Variants in LRRN2 observed in about 807,000 individuals in gnomAD.
LRRN2 encodes leucine-rich repeat neuronal protein 2.
A neutral mutation model predicts 35.7 loss-of-function variants in LRRN2; 10 were observed. That is an observed-to-expected ratio of 0.28 (90% CI 0.17 to 0.47). LRRN2 has a LOEUF of 0.47. LRRN2 is among the 20% of genes least tolerant of loss of function. LRRN2 has a pLI of 0.99. For synonymous variants in LRRN2, 391 were observed against 409.6 expected, an observed-to-expected ratio of 0.95 and a Z score of 0.55; for missense variants, 731 against 940.3, an observed-to-expected ratio of 0.78 and a Z score of 2.91.
At chr1:204,621,097 G>A in intron 1 of LRRN2, 1 of 167,214 alleles carries the variant, frequency 6.0e-6, no homozygotes. Context: ...TTTGGTGTTT[G>A]CCAACTTCCC....
intron 1 of LRRN2, among the ~76,000 whole-genome samples, chr1:204,656,973 T>A (rs1404880740): frequency 1.3e-5 from 2 of 152,058 alleles, no homozygotes; most frequent in Non-Finnish European, 2.9e-5. Flanking sequence ...AAAATAAAAA[T>A]CACCCAAATG....
Position 204,617,814 on chromosome 1 carries a change from C to A in LRRN2, c.*37G>T. ...TGCTTCTCTTTTGGTAAAAAGTAGT[C>A]CTAGTGATTTCTCTACTGCTGAGAA... On this transcript the variant is annotated 3_prime_UTR_variant, in exon 2 of 2. Transcript: ENST00000367177. The A allele has an allele frequency of 3.1e-6, 5 of 1,608,386 alleles. No homozygotes were observed. The highest frequency in any genetic ancestry group is 4.3e-6 in the Non-Finnish European group (5 of 1,175,246).
chr1:204,629,622 G>T, intron 1 of LRRN2: 1 of 176,088 alleles, frequency 5.7e-6, no homozygotes, highest in Admixed American at 6.2e-5. Flanking sequence ...CCGCCACCAT[G>T]TAAGAAGTGC....
chr1:204,622,355 G>A (rs1228093633), intron 1 of LRRN2: 4 of 152,694 alleles, frequency 2.6e-5, no homozygotes, highest in African/African-American at 9.6e-5. Flanking sequence ...GCTTGGGAGG[G>A]GAGCAGCTGG....
rs576191531 is a variant in LRRN2 at position 204,620,045 on chromosome 1, C to T, written c.-53G>A. Reference sequence around the variant, plus strand: ...CACAAGAAGAGTCTGGAGTCCTGCTCTTTGTGTTTTGCAGGGTAAGGGTCA... The same window carrying T: ...CACAAGAAGAGTCTGGAGTCCTGCTTTTTGTGTTTTGCAGGGTAAGGGTCA... On this transcript the variant is annotated 5_prime_UTR_variant, in exon 2 of 2. Coordinates refer to ENST00000367177, the MANE Select transcript of LRRN2 (RefSeq NM_201630.2). 1 of 1,553,848 alleles carries T rather than the reference C, an allele frequency of 6.4e-7. No homozygotes were observed. Among genetic ancestry groups the T allele is most frequent in the Non-Finnish European group, 8.7e-7 (1 of 1,149,428 alleles).
chr1:204,655,469 T>C (rs1668327826), intron 1 of LRRN2, among the ~76,000 whole-genome samples: 1 of 152,134 alleles, frequency 6.6e-6, no homozygotes, highest in Admixed American at 6.5e-5. Context: ...TTAAAAATGT[T>C]TTTGTTTCTT....
chr1:204,658,401 A>G (rs567481970), intron 1 of LRRN2, among the ~76,000 whole-genome samples: 1 of 152,206 alleles, frequency 6.6e-6, no homozygotes, highest in Non-Finnish European at 1.5e-5. Context: ...AATGACCAAA[A>G]GGCTTCCCCA....
At chr1:204,665,345 CCCAGGCTGGT>C (rs1668555748) in intron 1 of LRRN2, among the ~76,000 whole-genome samples, 1 of 152,030 alleles carries the variant, frequency 6.6e-6, no homozygotes, top group Non-Finnish European at 1.5e-5. Context: ...CCTCCTGTCA[CCCAGGCTGGT>C]CTTGAACTCC....
At chr1:204,642,627 C>T (rs1668008100) in intron 1 of LRRN2, among the ~76,000 whole-genome samples, 1 of 152,190 alleles carries the variant, frequency 6.6e-6, no homozygotes, top group East Asian at 1.9e-4. Flanking sequence ...GAAGAACTGC[C>T]CCGGCCTCTG....
At chr1:204,633,160 A>C (rs1667752702) in intron 1 of LRRN2, 1 of 151,978 alleles carries the variant, frequency 6.6e-6, no homozygotes, top group South Asian at 2.1e-4. Context: ...CCATGTGAGG[A>C]AACAGCATTC....
At chr1:204,678,498 G>A (rs145153008) in intron 1 of LRRN2, among the ~76,000 whole-genome samples, 10 of 152,246 alleles carry the variant, frequency 6.6e-5, no homozygotes, top group Non-Finnish European at 1.0e-4. Flanking sequence ...CCCTGCAAGA[G>A]CCCATCTTAC....
At chr1:204,651,263 A>G (rs1481896526) in intron 1 of LRRN2, among the ~76,000 whole-genome samples, 1 of 152,176 alleles carries the variant, frequency 6.6e-6, no homozygotes, top group Non-Finnish European at 1.5e-5. Context: ...GATCTCCTAG[A>G]GTCTTCAGAT....
chr1:204,667,496 A>G lies in LRRN2; in HGVS notation c.-227+17824T>C, dbSNP rs1333296401. On this transcript the variant is annotated intron_variant, in intron 1 of 1. Transcript: ENST00000367177. ...AGCATCTAGTACATAGTAAACCTTC[A>G]ATATATGTTGTGATTTTATTACTAC... is the stretch of plus-strand genomic sequence containing the variant. 3.9e-5 allele frequency among the ~76,000 whole-genome samples: 6 copies of G among 152,230 alleles called. No individual in the cohort carries two copies. In the East Asian group the frequency reaches 1.2e-3, roughly 29 times the overall value.
At chr1:204,654,463 A>G (rs1668302114) in intron 1 of LRRN2, among the ~76,000 whole-genome samples, 1 of 152,218 alleles carries the variant, frequency 6.6e-6, no homozygotes, top group Non-Finnish European at 1.5e-5. Flanking sequence ...AATCAGAACA[A>G]TTAGAATGAA....
At chr1:204,628,841 C>T (rs1053111025) in intron 1 of LRRN2, 1 of 152,412 alleles carries the variant, frequency 6.6e-6, no homozygotes, top group African/African-American at 2.4e-5. Context: ...CCAGCTCCTC[C>T]TGGCTTAGGG....
chr1:204,640,683 G>GT (rs1667957454), intron 1 of LRRN2, among the ~76,000 whole-genome samples: 1 of 152,040 alleles, frequency 6.6e-6, no homozygotes, highest in South Asian at 2.1e-4. Flanking sequence ...AGGCCCTGAG[G>GT]TTTCCATGAG....
chr1:204,665,943 C>T (rs1222866712), intron 1 of LRRN2, among the ~76,000 whole-genome samples: 1 of 152,234 alleles, frequency 6.6e-6, no homozygotes, highest in Non-Finnish European at 1.5e-5. Context: ...TTTCGGAACC[C>T]AACCAATTGT....
At chr1:204,680,252 C>G (rs1195166289) in intron 1 of LRRN2, among the ~76,000 whole-genome samples, 1 of 152,142 alleles carries the variant, frequency 6.6e-6, no homozygotes, top group Non-Finnish European at 1.5e-5. Flanking sequence ...TGGCACAGTG[C>G]CTGGCACACA....
In LRRN2 at chr1:204,618,553, C is replaced by T; in HGVS notation, c.1440G>A (p.Gly480=). The T allele has an allele frequency of 2.5e-6, 4 of 1,614,124 alleles. No individual in the cohort carries two copies. Among genetic ancestry groups the T allele is most frequent in the Non-Finnish European group, 2.5e-6 (3 of 1,180,036 alleles). The change falls in exon 2 of 2, where the codon GGG becomes GGA. Residue 480 remains glycine, a synonymous_variant. Transcript: ENST00000367177. ...CTGTCACCCTCCGCAGCTCCAGGGT[C>T]CCCTCGGGGTACACCCGGTACCTCC... ...AGRRYRVYPE[G]TLELRRVTAE... is the part of the protein sequence containing the mutation.
Sources: gnomAD v4.1 joint callset for allele counts (sites outside exome capture counted in the v4.1 genomes callset) on GRCh38, gnomAD v4.1.1 for gene constraint, MANE v1.5 for transcripts, NCBI Gene and HGNC (gene_info 2026-07-23, HGNC 2026-07-21) for gene names.